Variants in LUZP2 observed in about 807,000 individuals in gnomAD.
LUZP2 encodes the protein leucine zipper protein 2.
In LUZP2, 52 loss-of-function variants were observed where a neutral mutation model predicts 51.6. The observed-to-expected ratio is 1.01, with a 90% confidence interval of 0.81 to 1.27. The LOEUF (loss-of-function observed/expected upper bound fraction) is 1.27, where lower values mean the gene tolerates loss of function less well. Among genes scored for constraint, LUZP2 ranks in the 50% most tolerant of loss-of-function variants. LUZP2 has a pLI of 0.00. For missense variants in LUZP2, 436 were observed against 395.4 expected, an observed-to-expected ratio of 1.10 and a Z score of -0.87; for synonymous variants, 154 against 137.3, an observed-to-expected ratio of 1.12 and a Z score of -0.85.
At chr11:24,545,153 T>C (rs1434321954) in intron 1 of LUZP2, among the ~76,000 whole-genome samples, 2 of 151,378 alleles carry the variant, frequency 1.3e-5, no homozygotes, top group African/African-American at 2.4e-5. Context: ...ATTTCAGTTC[T>C]TAATAGAAGT....
At chr11:24,502,514 C>T (rs1008037638) in intron 1 of LUZP2, among the ~76,000 whole-genome samples, 4 of 149,458 alleles carry the variant, frequency 2.7e-5, no homozygotes, top group Non-Finnish European at 5.9e-5. Context: ...CTCCTGAGTA[C>T]CTGAGATTAC....
intron 9 of LUZP2, among the ~76,000 whole-genome samples, chr11:25,034,161 A>C (rs371160659): frequency 3.3e-5 from 5 of 152,170 alleles, no homozygotes; most frequent in South Asian, 4.1e-4. Context: ...TTTGATTTGC[A>C]TTTCTCTTAT....
At chr11:24,505,766 T>C (rs1303170250) in intron 1 of LUZP2, among the ~76,000 whole-genome samples, 1 of 152,066 alleles carries the variant, frequency 6.6e-6, no homozygotes, top group East Asian at 1.9e-4. Context: ...TTCTCTATTA[T>C]CTTAACCAAT....
chr11:24,702,429 C>T (rs1209853783), intron 1 of LUZP2, among the ~76,000 whole-genome samples: 1 of 152,104 alleles, frequency 6.6e-6, no homozygotes, highest in African/African-American at 2.4e-5. Flanking sequence ...TTGATTAGCT[C>T]ATGGTTCTTC....
chr11:24,517,779 C>T (rs1850525244), intron 1 of LUZP2, among the ~76,000 whole-genome samples: 1 of 151,994 alleles, frequency 6.6e-6, no homozygotes, highest in African/African-American at 2.4e-5. Flanking sequence ...CATCATTTTG[C>T]TTCCCATGGT....
intron 1 of LUZP2, among the ~76,000 whole-genome samples, chr11:24,567,572 CAGAG>C (rs921025072): frequency 2.6e-5 from 4 of 151,668 alleles, no homozygotes; most frequent in African/African-American, 9.7e-5. Context: ...GAAATTGAAA[CAGAG>C]AGAGAAAAAT....
chr11:24,727,870 T>A (rs7109115), intron 1 of LUZP2, among the ~76,000 whole-genome samples: 54,276 of 151,044 alleles, frequency 0.36, 10,112 homozygotes, highest in Non-Finnish European at 0.41. Context: ...AAAATTGTAA[T>A]AGAAGTCTAT....
chr11:24,936,877 G>GT (rs1431376874), intron 7 of LUZP2, among the ~76,000 whole-genome samples: 1 of 151,998 alleles, frequency 6.6e-6, no homozygotes, highest in Non-Finnish European at 1.5e-5. Context: ...CATAACTAGC[G>GT]TATCTTCCCA....
intron 5 of LUZP2, among the ~76,000 whole-genome samples, chr11:24,814,621 T>G (rs1850117932): frequency 6.6e-6 from 1 of 152,334 alleles, no homozygotes; most frequent in African/African-American, 2.4e-5. Context: ...TCCAGATGAC[T>G]TATGGTAGTT....
At chr11:24,582,008 T>C (rs1852875010) in intron 1 of LUZP2, among the ~76,000 whole-genome samples, 1 of 152,052 alleles carries the variant, frequency 6.6e-6, no homozygotes, top group South Asian at 2.1e-4. Context: ...TGGACATGCT[T>C]TCTTCTGTGC....
chr11:25,069,795 A>C (rs1388823576), intron 10 of LUZP2, among the ~76,000 whole-genome samples: 3 of 151,700 alleles, frequency 2.0e-5, no homozygotes, highest in Non-Finnish European at 4.4e-5. Flanking sequence ...TTATACTATA[A>C]ATTTTTTCTT....
chr11:24,675,747 G>T, intron 1 of LUZP2, among the ~76,000 whole-genome samples: 1 of 151,332 alleles, frequency 6.6e-6, no homozygotes, highest in South Asian at 2.1e-4. Flanking sequence ...TAATATGTCT[G>T]CCCTACAAAT....
chr11:24,547,725 C>T (rs1025964856), intron 1 of LUZP2, among the ~76,000 whole-genome samples: 8 of 151,916 alleles, frequency 5.3e-5, no homozygotes, highest in Non-Finnish European at 1.0e-4. Context: ...ACAAGTGCGG[C>T]CTAATTAAAG....
chr11:24,567,276 G>C (rs181050596), intron 1 of LUZP2, among the ~76,000 whole-genome samples: 15 of 151,690 alleles, frequency 9.9e-5, no homozygotes, highest in African/African-American at 3.6e-4. Flanking sequence ...AATATAAACA[G>C]AGATAATACA....
At chr11:24,919,634 A>C (rs1853959352) in intron 7 of LUZP2, among the ~76,000 whole-genome samples, 1 of 148,148 alleles carries the variant, frequency 6.8e-6, no homozygotes, top group South Asian at 2.1e-4. Context: ...TTAACCTTTC[A>C]CTTATGTGTA....
chr11:24,809,828 A>G (rs1322404157), intron 5 of LUZP2, among the ~76,000 whole-genome samples: 1 of 152,154 alleles, frequency 6.6e-6, no homozygotes, highest in Non-Finnish European at 1.5e-5. Flanking sequence ...CACTATATAA[A>G]TGAATTATGA....
intron 7 of LUZP2, among the ~76,000 whole-genome samples, chr11:24,937,672 T>C (rs1854625775): frequency 6.6e-6 from 1 of 151,606 alleles, no homozygotes; most frequent in Non-Finnish European, 1.5e-5. Context: ...GAGGCCGAGG[T>C]GGGCGGATCA....
chr11:24,983,248 C>A lies in LUZP2; in HGVS notation c.720C>A (p.Pro240=), dbSNP rs1856091621. The A allele has an allele frequency of 6.2e-7, 1 of 1,612,038 alleles. No homozygotes were observed. The highest frequency in any genetic ancestry group is 1.3e-5 in the African/African-American group (1 of 74,730). Residue 240 remains proline, a synonymous_variant, in exon 9 of 12, where the codon CCC becomes CCA. Transcript: ENST00000336930. ...TSNPTRMLLP[P]RNIASKLPDA... ...ATCCAACTCGGATGTTACTCCCACC[C>A]AGGAATATTGCCTCTAAGCTTCCAG...
At chr11:24,814,104 T>G (rs1850101595) in intron 5 of LUZP2, among the ~76,000 whole-genome samples, 1 of 152,230 alleles carries the variant, frequency 6.6e-6, no homozygotes, top group South Asian at 2.1e-4. Flanking sequence ...AAGTTAAAAC[T>G]TGCTTATTTA....
Sources: allele counts gnomAD v4.1 joint callset (sites outside exome capture counted in the v4.1 genomes callset), GRCh38; gene constraint gnomAD v4.1.1; transcripts MANE v1.5; gene names NCBI Gene and HGNC (gene_info 2026-07-23, HGNC 2026-07-21).